Variants in SYT2 observed in about 807,000 individuals in gnomAD.
The protein encoded by SYT2 is synaptotagmin-2.
In SYT2, 15 loss-of-function variants were observed where a neutral mutation model predicts 39.9. The observed-to-expected ratio is 0.38, with a 90% confidence interval of 0.25 to 0.58. SYT2 has a LOEUF of 0.58. SYT2 is among the 20% of genes least tolerant of loss of function. The probability of loss-of-function intolerance (pLI) is 0.70; values close to 1 mark genes in which losing one functional copy is unlikely to be tolerated. For synonymous variants in SYT2, 181 were observed against 204.5 expected (o/e 0.89, Z 0.98); for missense variants, 389 against 530.3 (o/e 0.73, Z 2.62).
At chr1:202,701,687 A>G (rs1025969499) in intron 1 of SYT2, among the ~76,000 whole-genome samples, 15 of 152,150 alleles carry the variant, frequency 9.9e-5, no homozygotes, top group Non-Finnish European at 1.8e-4. Flanking sequence ...AGCACCATCA[A>G]TGTCAAGCAT....
At position 202,605,680 on chromosome 1, in the gene SYT2, A is replaced by G. The variant is rs1690678717; in HGVS notation, c.93T>C (p.Thr31=). Residue 31 remains threonine (T), a synonymous_variant, in exon 2 of 9, where the codon ACT becomes ACC. Coordinates refer to ENST00000367268, the MANE Select transcript of SYT2 (RefSeq NM_177402.5). ...TMPIGPVDNS[T]ESGGAGESQE... ...GGCTCTCCCCAGCACCCCCACTCTCAGTGGAGTTGTCCACGGGTCCAATGG... is the reference window on the plus strand; with the variant it reads ...GGCTCTCCCCAGCACCCCCACTCTCGGTGGAGTTGTCCACGGGTCCAATGG... 3 of 1,613,952 alleles carry G rather than the reference A, an allele frequency of 1.9e-6. No individual in the cohort carries two copies. Among genetic ancestry groups the G allele is most frequent in the Non-Finnish European group, 2.5e-6 (3 of 1,179,876 alleles).
intron 1 of SYT2, chr1:202,630,277 G>T: frequency 1.6e-6 from 1 of 637,320 alleles, no homozygotes; most frequent in Non-Finnish European, 2.0e-6. Context: ...GCTGGGGGCT[G>T]ACCCCTGGCT....
In SYT2 at chr1:202,679,084, G is replaced by T. The variant is rs146237839; in HGVS notation, c.-18+31174C>A. Among the ~76,000 whole-genome samples, 365 of 152,172 alleles carry T rather than the reference G, an allele frequency of 2.4e-3. 1 individual carries two copies. Among genetic ancestry groups the T allele is most frequent in the Admixed American group, 4.0e-3 (61 of 15,288 alleles). ...CTTCTGCCCTCTCTCCCTTGCTCTG[G>T]GGCGACGCCCATCTCTCACTCCCCT... On this transcript the variant is annotated intron_variant, in intron 1 of 8. Coordinates refer to ENST00000367268, the MANE Select transcript of SYT2 (RefSeq NM_177402.5).
At chr1:202,691,776 A>AGGG (rs1653841479) in intron 1 of SYT2, among the ~76,000 whole-genome samples, 1 of 137,742 alleles carries the variant, frequency 7.3e-6, no homozygotes, top group Non-Finnish European at 1.5e-5. Context: ...AGAGAGAGAG[A>AGGG]GAGAGAGATG....
chr1:202,643,027 C>T (rs1691964335), intron 1 of SYT2, among the ~76,000 whole-genome samples: 1 of 152,240 alleles, frequency 6.6e-6, no homozygotes, highest in African/African-American at 2.4e-5. Flanking sequence ...GACACCTCCC[C>T]CGGGTCTAGC....
At chr1:202,644,599 A>C (rs187613230) in intron 1 of SYT2, among the ~76,000 whole-genome samples, 1 of 151,564 alleles carries the variant, frequency 6.6e-6, no homozygotes, top group South Asian at 2.1e-4. Flanking sequence ...TTCACCCTCC[A>C]TGCAGCTGCT....
At chr1:202,683,296 C>A (rs1476778242) in intron 1 of SYT2, among the ~76,000 whole-genome samples, 1 of 152,196 alleles carries the variant, frequency 6.6e-6, no homozygotes, top group Non-Finnish European at 1.5e-5. Flanking sequence ...CTGGAAACAA[C>A]ACAAATGTCA....
intron 1 of SYT2, among the ~76,000 whole-genome samples, chr1:202,616,942 C>T (rs1488455300): frequency 1.3e-5 from 2 of 152,334 alleles, no homozygotes; most frequent in Non-Finnish European, 1.5e-5. Context: ...TTGCTCGCCT[C>T]CAGTCAGTTC....
Position 202,603,164 on chromosome 1 carries a change from C to T in SYT2, c.346-46G>A, listed in dbSNP as rs1422606299. On this transcript the variant is annotated intron_variant, in intron 3 of 8. Transcript: ENST00000367268. ...AGGGAACAAGTTAAAAGGGGAGGAC[C>T]GAGAAGTCTGGCTTAGCACAGGATG... 18 of 1,610,550 alleles carry T rather than the reference C, an allele frequency of 1.1e-5. No homozygotes were observed. The Middle Eastern group carries it at 4.9e-4, about 44-fold the overall frequency.
At chr1:202,633,034 A>G (rs1387094364) in intron 1 of SYT2, 2 of 152,238 alleles carry the variant, frequency 1.3e-5, no homozygotes, top group Non-Finnish European at 2.9e-5. Flanking sequence ...GGCCAAGGAA[A>G]AGTTTACAGG....
intron 1 of SYT2, among the ~76,000 whole-genome samples, chr1:202,680,557 T>C (rs1653498992): frequency 6.6e-6 from 1 of 151,954 alleles, no homozygotes; most frequent in South Asian, 2.1e-4. Context: ...ACCCACAACA[T>C]TATCACTGTT....
At chr1:202,691,703 G>GGGAGA (rs1653824132) in intron 1 of SYT2, among the ~76,000 whole-genome samples, 4 of 56,932 alleles carry the variant, frequency 7.0e-5, no homozygotes, top group Non-Finnish European at 1.4e-4. Flanking sequence ...GAGAGGGAGA[G>GGGAGA]GGAGAGGGAG....
rs1229356714 is a variant in SYT2, at chr1:202,601,312, G to A, written c.801+578C>T. On this transcript the variant is annotated intron_variant, in intron 6 of 8. Transcript: ENST00000367268. The surrounding 1 kb of genome is among the most constrained non-coding windows in gnomAD (Gnocchi z 4.0). ...CAAAAGGGAAAAAAGGATGTCTTAA[G>A]CTTCTCTACTCAGCCCTCCATCACT... Among the ~76,000 whole-genome samples, 3 of 152,228 alleles carry A rather than the reference G, an allele frequency of 2.0e-5. No homozygotes were observed. In the East Asian group the frequency reaches 5.8e-4, roughly 29 times the overall value.
At chr1:202,672,353 T>C (rs1572670800) in intron 1 of SYT2, among the ~76,000 whole-genome samples, 1 of 152,202 alleles carries the variant, frequency 6.6e-6, no homozygotes, top group East Asian at 1.9e-4. Context: ...TCCTCTGCCA[T>C]GGGAAGAGGA....
At chr1:202,654,822 G>A (rs1435556331) in intron 1 of SYT2, among the ~76,000 whole-genome samples, 1 of 152,204 alleles carries the variant, frequency 6.6e-6, no homozygotes, top group Admixed American at 6.5e-5. Context: ...AGCGAGGTGG[G>A]AAGTGTATTC....
Position 202,593,740 on chromosome 1 carries a change from A to C in SYT2, c.*3017T>G, listed in dbSNP as rs1690201117. On this transcript the variant is annotated 3_prime_UTR_variant, in exon 9 of 9. Coordinates refer to ENST00000367268, the MANE Select transcript of SYT2 (RefSeq NM_177402.5). ...TTATTCAGGGAGGAAGAAGAAAACGAACTTTCAGACTTTACCCCAGTTTCT... is the reference window on the plus strand; with the variant it reads ...TTATTCAGGGAGGAAGAAGAAAACGCACTTTCAGACTTTACCCCAGTTTCT... 1 of 152,138 alleles carries C rather than the reference A, an allele frequency of 6.6e-6. No individual in the cohort carries two copies. The highest frequency in any genetic ancestry group is 1.5e-5 in the Non-Finnish European group (1 of 68,036). The allele number at this position is 152,138 out of a possible 1,614,324, so 9.4% of individuals were successfully genotyped here.
intron 1 of SYT2, among the ~76,000 whole-genome samples, chr1:202,680,580 G>A (rs1210457172): frequency 6.6e-6 from 1 of 152,170 alleles, no homozygotes. Flanking sequence ...AACCAATGGG[G>A]CAAGAAGATG....
At chr1:202,693,805 G>C (rs775150502) in intron 1 of SYT2, among the ~76,000 whole-genome samples, 7 of 152,324 alleles carry the variant, frequency 4.6e-5, no homozygotes, top group Non-Finnish European at 8.8e-5. Context: ...AATACCTGAG[G>C]CTGGTAAGTT....
chr1:202,643,181 C>G (rs867106351), intron 1 of SYT2: 1 of 152,542 alleles, frequency 6.6e-6, no homozygotes, highest in Non-Finnish European at 1.5e-5. Context: ...CCGCCCACGC[C>G]TCAGGCCCTA....
Sources: allele counts gnomAD v4.1 joint callset (sites outside exome capture counted in the v4.1 genomes callset), GRCh38; gene constraint gnomAD v4.1.1; non-coding constraint Gnocchi (gnomAD v3.1); transcripts MANE v1.5; gene names NCBI Gene and HGNC (gene_info 2026-07-23, HGNC 2026-07-21).